Variants in MYO9B observed in about 807,000 individuals in gnomAD.
MYO9B encodes myosin IXB.
In MYO9B, 71 loss-of-function variants were observed where a neutral mutation model predicts 229.5. The ratio of observed to expected loss-of-function variants is 0.31; its 90% confidence interval spans 0.26 to 0.38. MYO9B has a LOEUF of 0.38. Ranked by LOEUF, MYO9B falls within the 10% of genes least tolerant of loss-of-function variation. The pLI is 1.00. For synonymous variants in MYO9B, 1,185 were observed against 1,235.8 expected, an observed-to-expected ratio of 0.96 and a Z score of 0.86; for missense variants, 2,255 against 2,920.5, an observed-to-expected ratio of 0.77 and a Z score of 5.25.
chr19:17,193,453 C>G lies in MYO9B; in HGVS notation c.3128+391C>G, dbSNP rs547397101. 1.2e-4 allele frequency among the ~76,000 whole-genome samples: 19 copies of G among 152,240 alleles called. No individual in the cohort carries two copies. Among genetic ancestry groups the G allele is most frequent in the African/African-American group, 4.3e-4 (18 of 41,554 alleles). On this transcript the variant is annotated intron_variant, in intron 21 of 39. Transcript: ENST00000682292. The surrounding 1 kb of genome is among the most constrained non-coding windows in gnomAD (Gnocchi z 4.3). ...CAGGAGGATATCAGCAGCTCCCGTC[C>G]CAGCACCCACAGCTCCGAGCCCAGC...
intron 1 of MYO9B, among the ~76,000 whole-genome samples, chr19:17,099,982 G>C (rs755380872): frequency 6.6e-6 from 1 of 151,506 alleles, no homozygotes; most frequent in African/African-American, 2.4e-5. Context: ...TTAGCCGGGC[G>C]TGGTGGCGGG....
intron 15 of MYO9B, 34 bp downstream of exon 15, chr19:17,181,074 C>G (rs375520614): frequency 6.8e-7 from 1 of 1,463,998 alleles, no homozygotes; most frequent in Non-Finnish European, 9.5e-7. Context: ...CTTACAAGTG[C>G]GACAACCGCC....
At chr19:17,114,415 A>G (rs2057879937) in intron 2 of MYO9B, among the ~76,000 whole-genome samples, 1 of 151,488 alleles carries the variant, frequency 6.6e-6, no homozygotes. Flanking sequence ...AGCCCAGGGG[A>G]CGGTCACTGC....
rs774983087 is a variant in MYO9B at position 17,101,816 on chromosome 19, G to A, written c.99G>A (p.Ser33=). ...TGTCCACCACCGAGAGCCAGGCCTC[G>A]TGCCGCGTGACTGCCACCAAGGACA... ...PQLSTTESQA[S]CRVTATKDST... is the part of the protein sequence containing the mutation. The change falls in exon 2 of 40, where the codon TCG becomes TCA. Residue 33 remains serine (S), a synonymous_variant. Coordinates refer to ENST00000682292, the MANE Select transcript of MYO9B (RefSeq NM_004145.4). This position sits in a 1 kb window ranked among gnomAD's most constrained non-coding sequence, Gnocchi z 4.7. The A allele has an allele frequency of 1.6e-5, 25 of 1,608,204 alleles. No individual in the cohort carries two copies. Among genetic ancestry groups the A allele is most frequent in the Admixed American group, 6.7e-5 (4 of 59,758 alleles).
At chr19:17,100,085 G>T (rs2057730552) in intron 1 of MYO9B, among the ~76,000 whole-genome samples, 1 of 150,830 alleles carries the variant, frequency 6.6e-6, no homozygotes, top group Non-Finnish European at 1.5e-5. Context: ...TCATGCCACT[G>T]CACTAGAGCC....
At position 17,212,480 on chromosome 19, in the gene MYO9B, C is replaced by T. The variant is rs2073242952; in HGVS notation, c.*170C>T. 2.6e-6 allele frequency: 2 copies of T among 779,256 alleles called. No homozygotes were observed. Among genetic ancestry groups the T allele is most frequent in the Non-Finnish European group, 3.8e-6 (2 of 532,330 alleles). The allele number at this position is 779,256 out of a possible 1,614,324, so 48.3% of individuals were successfully genotyped here. On this transcript the variant is annotated 3_prime_UTR_variant, in exon 40 of 40. Coordinates refer to ENST00000682292, the MANE Select transcript of MYO9B (RefSeq NM_004145.4). This position sits in a 1 kb window ranked among gnomAD's most constrained non-coding sequence, Gnocchi z 5.4. ...AGTGCAGAGTCAAGGCAGGGAGAGG[C>T]CGGCTGGAGCCAGGCCCCCTCGCAC...
At chr19:17,157,430 A>G in intron 7 of MYO9B, 1 of 187,328 alleles carries the variant, frequency 5.3e-6, no homozygotes, top group Non-Finnish European at 1.1e-5. Flanking sequence ...GTGGTGGTAC[A>G]TGCCTATAGT....
chr19:17,128,220 A>C (rs889025996), intron 2 of MYO9B, among the ~76,000 whole-genome samples: 4 of 150,790 alleles, frequency 2.7e-5, no homozygotes, highest in African/African-American at 9.8e-5. Flanking sequence ...ATACTGAAAA[A>C]AAAAAATTTT....
At chr19:17,175,360 A>G (rs933902336) in intron 13 of MYO9B, among the ~76,000 whole-genome samples, 2 of 151,792 alleles carry the variant, frequency 1.3e-5, no homozygotes, top group Non-Finnish European at 2.9e-5. Context: ...CAAGGTGGGC[A>G]GATCACCTGA....
intron 10 of MYO9B, among the ~76,000 whole-genome samples, chr19:17,166,111 C>T (rs1415376263): frequency 2.0e-5 from 3 of 151,994 alleles, no homozygotes; most frequent in East Asian, 1.9e-4. Context: ...GGTGCAATCT[C>T]GGTTCACTGC....
chr19:17,107,294 C>T (rs2057801626), intron 2 of MYO9B, among the ~76,000 whole-genome samples: 2 of 152,074 alleles, frequency 1.3e-5, no homozygotes, highest in Non-Finnish European at 2.9e-5. Flanking sequence ...CAACATTTAC[C>T]ATGTCAGACA....
At chr19:17,155,960 C>T (rs1599376737) in intron 6 of MYO9B, among the ~76,000 whole-genome samples, 1 of 151,742 alleles carries the variant, frequency 6.6e-6, no homozygotes, top group Non-Finnish European at 1.5e-5. Flanking sequence ...GCAGAGGCTG[C>T]CGTGAGCCGA....
At chr19:17,100,988 G>A (rs969053435) in intron 1 of MYO9B, among the ~76,000 whole-genome samples, 1 of 150,770 alleles carries the variant, frequency 6.6e-6, no homozygotes, top group South Asian at 2.1e-4. Flanking sequence ...AGCTGCTGGG[G>A]AGGTTTATTC....
At chr19:17,122,682 G>A (rs2057976603) in intron 2 of MYO9B, among the ~76,000 whole-genome samples, 1 of 152,224 alleles carries the variant, frequency 6.6e-6, no homozygotes, top group Non-Finnish European at 1.5e-5. Context: ...CCAGGAGTTT[G>A]GGACATAGAC....
At chr19:17,096,302 G>A (rs2057687930) in intron 1 of MYO9B, among the ~76,000 whole-genome samples, 1 of 152,146 alleles carries the variant, frequency 6.6e-6, no homozygotes, top group South Asian at 2.1e-4. Context: ...AGTAACTCCT[G>A]AGAGGGGAAT....
intron 13 of MYO9B, among the ~76,000 whole-genome samples, chr19:17,174,520 A>T (rs2072761753): frequency 6.6e-6 from 1 of 152,166 alleles, no homozygotes; most frequent in Admixed American, 6.5e-5. Flanking sequence ...CTGTGGTCCC[A>T]GCTACCACAG....
At chr19:17,144,506 C>T (rs1057432770) in intron 2 of MYO9B, among the ~76,000 whole-genome samples, 3 of 148,602 alleles carry the variant, frequency 2.0e-5, no homozygotes, top group Non-Finnish European at 4.5e-5. Context: ...CTGAGACAGG[C>T]GGATCGCTTC....
chr19:17,190,637 CAA>C (rs576678289), intron 19 of MYO9B, among the ~76,000 whole-genome samples: 4 of 108,946 alleles, frequency 3.7e-5, no homozygotes, highest in Admixed American at 9.0e-5. Context: ...GACCCCGTCT[CAA>C]AAAAAAAAAA....
chr19:17,116,862 C>T (rs1407318806), intron 2 of MYO9B, among the ~76,000 whole-genome samples: 1 of 152,164 alleles, frequency 6.6e-6, no homozygotes, highest in Admixed American at 6.5e-5. Context: ...CCCCCAAATC[C>T]CCAGGTACTC....
Sources: allele counts gnomAD v4.1 joint callset (sites outside exome capture counted in the v4.1 genomes callset), GRCh38; gene constraint gnomAD v4.1.1; non-coding constraint Gnocchi (gnomAD v3.1); transcripts MANE v1.5; gene names NCBI Gene and HGNC (gene_info 2026-07-23, HGNC 2026-07-21).